PSME3IP1: variants seen among roughly 807,000 people sequenced by gnomAD.
PSME3IP1 encodes proteasome activator subunit 3 interacting protein 1.
In PSME3IP1, 13 loss-of-function variants were observed where a neutral mutation model predicts 34.1. The observed-to-expected ratio is 0.38, with a 90% CI of 0.25 to 0.61. PSME3IP1 has a LOEUF of 0.61. Among genes scored for constraint, PSME3IP1 ranks in the 20% least tolerant of loss-of-function variants. The pLI, the probability that PSME3IP1 is intolerant of heterozygous loss-of-function variation, is 0.60. For missense variants in PSME3IP1, 237 were observed against 301.4 expected, an observed-to-expected ratio of 0.79 and a Z score of 1.58; for synonymous variants, 93 against 114.3, an observed-to-expected ratio of 0.81 and a Z score of 1.19.
chr16:57,154,560 G>A lies in PSME3IP1; in HGVS notation c.548-53C>T. ...TTCATCACCCTTTTCCAAAGTTGGGGACTGACTTACCATGTGCCAGGCACT... is the reference window on the plus strand; with the variant it reads ...TTCATCACCCTTTTCCAAAGTTGGGAACTGACTTACCATGTGCCAGGCACT... On this transcript the variant is annotated intron_variant, in intron 6 of 6. Transcript: ENST00000309137. The surrounding 1 kb of genome is among the most constrained non-coding windows in gnomAD (Gnocchi z 4.0). The A allele has an allele frequency of 6.8e-7, 1 of 1,465,866 alleles. No homozygotes were observed. Among genetic ancestry groups the A allele is most frequent in the Non-Finnish European group, 9.2e-7 (1 of 1,084,810 alleles). 90.8% of individuals were successfully genotyped at this position (1,465,866 alleles called of 1,614,324 possible).
Position 57,152,784 on chromosome 16 carries a change from T to C in PSME3IP1, c.*1506A>G, listed in dbSNP as rs2145310956. 6.5e-6 allele frequency: 1 copy of C among 152,752 alleles called. No homozygotes were observed. Among genetic ancestry groups the C allele is most frequent in the East Asian group, 1.9e-4 (1 of 5,188 alleles). The allele number at this position is 152,752 out of a possible 1,614,324, so 9.5% of individuals were successfully genotyped here. A position where few individuals can be genotyped will look rare whatever the true frequency, so the allele number is the denominator to read the frequency against. On this transcript the variant is annotated 3_prime_UTR_variant, in exon 7 of 7. Transcript: ENST00000309137. The stretch of plus-strand genomic sequence containing the variant: ...TGATGCGCCCATACTGGCAGAACAA[T>C]TAGCACAGAGTAGTTCTGAAAAGGA...
In PSME3IP1 at chr16:57,185,463, C is replaced by T. The variant is rs537885105; in HGVS notation, c.-16+358G>A. 5.4e-5 allele frequency: 52 copies of T among 964,576 alleles called. No homozygotes were observed. The African/African-American group carries it at 8.8e-4, about 16-fold the overall frequency. The allele number at this position is 964,576 out of a possible 1,614,324, so 59.8% of individuals were successfully genotyped here. Reference sequence around the variant, plus strand: ...TTCAACCATTTCCAACCAGACGCCGCACATCCGAGTGAGTAACCTGGACCT... The same window carrying T: ...TTCAACCATTTCCAACCAGACGCCGTACATCCGAGTGAGTAACCTGGACCT... On this transcript the variant is annotated intron_variant, in intron 1 of 6. Transcript: ENST00000309137.
In PSME3IP1 at chr16:57,173,597, C is replaced by G. The variant is rs562860749; in HGVS notation, c.127+131G>C. Reference sequence around the variant, plus strand: ...TGAGCCAAGATCGCGCCACTGCACTCCAGCCTGGGCAACAGAGTGAGACTC... The same window carrying G: ...TGAGCCAAGATCGCGCCACTGCACTGCAGCCTGGGCAACAGAGTGAGACTC... On this transcript the variant is annotated intron_variant, in intron 2 of 6. Transcript: ENST00000309137. The G allele has an allele frequency of 1.4e-5, 16 of 1,131,104 alleles. No homozygotes were observed. In the African/African-American group the frequency reaches 2.5e-4, roughly 18 times the overall value. The allele number at this position is 1,131,104 out of a possible 1,614,324, so 70.1% of individuals were successfully genotyped here. A position where few individuals can be genotyped will look rare whatever the true frequency, so the allele number is the denominator to read the frequency against.
rs1188294144 is a variant in PSME3IP1, at chr16:57,168,951, AC to A, written c.349-1726del. 1.1e-3 allele frequency among the ~76,000 whole-genome samples: 166 copies of A among 152,098 alleles called. 2 individuals carry two copies. Among genetic ancestry groups the A allele is most frequent in the Non-Finnish European group, 3.8e-4 (26 of 68,002 alleles). On this transcript the variant is annotated intron_variant, in intron 4 of 6. Coordinates refer to ENST00000309137, the MANE Select transcript of PSME3IP1 (RefSeq NM_024946.4). The stretch of plus-strand genomic sequence containing the variant: ...TCTCAATATTAAATATTAAAAAAAA[AC>A]AAAAATGGAAAAAAAACACAACAAA...
At chr16:57,174,477 T>A (rs533471717) in intron 1 of PSME3IP1, 18 of 985,432 alleles carry the variant, frequency 1.8e-5, no homozygotes, top group Middle Eastern at 1.0e-3. Flanking sequence ...TGCAGCTATT[T>A]CTCTGTCCCT....
intron 6 of PSME3IP1, among the ~76,000 whole-genome samples, chr16:57,161,627 C>T (rs2145546591): frequency 6.6e-6 from 1 of 151,262 alleles, no homozygotes; most frequent in East Asian, 2.0e-4. Flanking sequence ...ATTCTCCTGC[C>T]TCAGCCTCCC....
At chr16:57,180,646 C>A (rs1023106359) in intron 1 of PSME3IP1, among the ~76,000 whole-genome samples, 10 of 151,788 alleles carry the variant, frequency 6.6e-5, no homozygotes, top group Admixed American at 3.3e-4. Context: ...CTAGCTCACA[C>A]CTGCAATCTG....
intron 3 of PSME3IP1, 96 bp downstream of exon 3, chr16:57,172,680 A>T: frequency 2.0e-6 from 2 of 988,262 alleles, no homozygotes; most frequent in Non-Finnish European, 3.2e-6. Context: ...AAATCAAGAC[A>T]ATTCCACGGC....
intron 4 of PSME3IP1, among the ~76,000 whole-genome samples, chr16:57,167,517 C>T (rs112144132): frequency 0.037 from 5,617 of 152,228 alleles, 108 homozygotes; most frequent in Middle Eastern, 0.11. Flanking sequence ...TGGCCAATAT[C>T]ATGCTTGATG....
chr16:57,154,301 C>T lies in PSME3IP1; in HGVS notation c.754G>A (p.Glu252Lys), dbSNP rs779401733. The change falls in exon 7 of 7, where the codon GAG becomes AAG. Residue 252 changes from glutamate to lysine, a missense_variant. Coordinates refer to ENST00000309137, the MANE Select transcript of PSME3IP1 (RefSeq NM_024946.4). The surrounding 1 kb of genome is among the most constrained non-coding windows in gnomAD (Gnocchi z 4.0). Reference protein sequence around the residue: ...SSIFRTNTFLEAP With the variant: ...SSIFRTNTFLKAP ...TAGGGACGGAGAAACTAGGGGGCCTCGAGGAAGGTGTTGGTTCGGAAGATG... is the reference window on the plus strand; with the variant it reads ...TAGGGACGGAGAAACTAGGGGGCCTTGAGGAAGGTGTTGGTTCGGAAGATG... The T allele has an allele frequency of 3.7e-6, 6 of 1,613,756 alleles. No homozygotes were observed. The highest frequency in any genetic ancestry group is 1.1e-5 in the South Asian group (1 of 91,060).
chr16:57,159,686 T>C (rs1275818362), intron 6 of PSME3IP1, among the ~76,000 whole-genome samples: 1 of 151,768 alleles, frequency 6.6e-6, no homozygotes, highest in African/African-American at 2.4e-5. Flanking sequence ...AATGCAGGAG[T>C]AGGAAGAAGG....
At chr16:57,168,382 C>T (rs2072150634) in intron 4 of PSME3IP1, among the ~76,000 whole-genome samples, 1 of 152,004 alleles carries the variant, frequency 6.6e-6, no homozygotes, top group African/African-American at 2.4e-5. Flanking sequence ...GCACAAGTTA[C>T]CTTAAATATT....
At chr16:57,161,355 C>G (rs1463470519) in intron 6 of PSME3IP1, among the ~76,000 whole-genome samples, 1 of 152,144 alleles carries the variant, frequency 6.6e-6, no homozygotes, top group Non-Finnish European at 1.5e-5. Flanking sequence ...AATAAACCCA[C>G]ACATTTATGG....
chr16:57,163,699 C>T (rs548866779), intron 6 of PSME3IP1, among the ~76,000 whole-genome samples: 3 of 152,308 alleles, frequency 2.0e-5, no homozygotes, highest in Middle Eastern at 3.4e-3. Context: ...CAGAAAAACA[C>T]CTTTTGTGAG....
chr16:57,175,140 G>A (rs548855883), intron 1 of PSME3IP1, among the ~76,000 whole-genome samples: 255 of 151,682 alleles, frequency 1.7e-3, no homozygotes, highest in Non-Finnish European at 3.0e-3. Context: ...TCCGCCTCCT[G>A]ACTAGCTGGG....
rs76235084 is a variant in PSME3IP1 at position 57,166,282 on chromosome 16, C to G, written c.482+811G>C. Among the ~76,000 whole-genome samples, 528 of 152,296 alleles carry G rather than the reference C, an allele frequency of 3.5e-3. 7 individuals are homozygous for G. The highest frequency in any genetic ancestry group is 0.012 in the African/African-American group (494 of 41,584). On this transcript the variant is annotated intron_variant, in intron 5 of 6. Coordinates refer to ENST00000309137, the MANE Select transcript of PSME3IP1 (RefSeq NM_024946.4). ...GTCTGTTGGGTCAAATCTAAATGAC[C>G]AGATTCAATCACTCTGATGACATTT...
At chr16:57,185,387 G>C (rs780978233) in intron 1 of PSME3IP1, among the ~76,000 whole-genome samples, 3 of 152,316 alleles carry the variant, frequency 2.0e-5, no homozygotes, top group South Asian at 4.1e-4. Context: ...ACAGCAACTG[G>C]TACATGGCAC....
chr16:57,183,624 C>T (rs1056091395), intron 1 of PSME3IP1, among the ~76,000 whole-genome samples: 2 of 152,128 alleles, frequency 1.3e-5, no homozygotes, highest in African/African-American at 4.8e-5. Flanking sequence ...TAAGCTACCA[C>T]GCCCAGCCAA....
At chr16:57,174,209 G>A (rs2072948061) in intron 1 of PSME3IP1, 3 of 189,618 alleles carry the variant, frequency 1.6e-5, no homozygotes, top group South Asian at 2.1e-4. Flanking sequence ...CAGGAGAATC[G>A]CTTGAACCTG....
Sources: allele counts gnomAD v4.1 joint callset (sites outside exome capture counted in the v4.1 genomes callset), GRCh38; gene constraint gnomAD v4.1.1; non-coding constraint Gnocchi (gnomAD v3.1); transcripts MANE v1.5; gene names NCBI Gene and HGNC (gene_info 2026-07-23, HGNC 2026-07-21).